ADORA2B: variants seen among roughly 807,000 people sequenced by gnomAD.
ADORA2B encodes adenosine A2b receptor, also known as adenosine receptor A2b.
ADORA2B carries 18 observed loss-of-function variants against 20.8 expected under a neutral mutation model. The ratio of observed to expected loss-of-function variants is 0.87; its 90% CI spans 0.60 to 1.29. ADORA2B has a LOEUF of 1.29. Among genes scored for constraint, ADORA2B ranks in the 50% most tolerant of loss-of-function variants. The pLI is 0.00. For synonymous variants in ADORA2B, 179 were observed against 178.3 expected (o/e 1.00, Z -0.03); for missense variants, 441 against 422.7 (o/e 1.04, Z -0.38).
the ADORA2B span, among the ~76,000 whole-genome samples, chr17:15,875,859 G>A: frequency 6.8e-4 from 104 of 152,336 alleles, no homozygotes; most frequent in South Asian, 7.3e-3. Flanking sequence ...GGAATTACAG[G>A]CGTGAGCCAC....
At chr17:15,939,344 T>G in the ADORA2B span, among the ~76,000 whole-genome samples, 1 of 152,188 alleles carries the variant, frequency 6.6e-6, no homozygotes, top group African/African-American at 2.4e-5. Context: ...CCCGGCTGCT[T>G]CTTTCTACTC....
At chr17:15,896,938 T>G in the ADORA2B span, among the ~76,000 whole-genome samples, 2 of 152,186 alleles carry the variant, frequency 1.3e-5, no homozygotes, top group Non-Finnish European at 2.9e-5. Context: ...CATGTAACAT[T>G]TTTCAGCTTC....
At chr17:15,974,563 G>T in intron 1 of ADORA2B, 116 bp from the exon 2 acceptor site, 1 of 904,510 alleles carries the variant, frequency 1.1e-6, no homozygotes. Flanking sequence ...TTAGTGCCCT[G>T]GAAGGTGAAC....
At chr17:15,907,959 G>A in the ADORA2B span, among the ~76,000 whole-genome samples, 1 of 152,316 alleles carries the variant, frequency 6.6e-6, no homozygotes, top group South Asian at 2.1e-4. Flanking sequence ...CGGGGACCCG[G>A]GTGTGAAATG....
chr17:15,902,003 T>G, the ADORA2B span, among the ~76,000 whole-genome samples: 3 of 152,114 alleles, frequency 2.0e-5, no homozygotes, highest in Non-Finnish European at 4.4e-5. Context: ...AAACCGGCAC[T>G]CTGCGCCCAT....
the ADORA2B span, among the ~76,000 whole-genome samples, chr17:15,875,591 T>G: frequency 6.6e-6 from 1 of 152,240 alleles, no homozygotes; most frequent in African/African-American, 2.4e-5. Flanking sequence ...AGTTTTCTTT[T>G]GCTTTTTTTT....
the ADORA2B span, among the ~76,000 whole-genome samples, chr17:15,851,721 A>T: frequency 6.6e-6 from 1 of 152,230 alleles, no homozygotes; most frequent in African/African-American, 2.4e-5. Flanking sequence ...ATAAGTCAGT[A>T]AATCACCCTT....
upstream of ADORA2B, among the ~76,000 whole-genome samples, chr17:15,943,161 A>T (rs914964650): frequency 6.6e-6 from 1 of 152,192 alleles, no homozygotes; most frequent in Non-Finnish European, 1.5e-5. Context: ...TGTTTTCATT[A>T]TGGAAGTAAC....
At chr17:15,925,579 G>A in the ADORA2B span, among the ~76,000 whole-genome samples, 1 of 152,202 alleles carries the variant, frequency 6.6e-6, no homozygotes, top group African/African-American at 2.4e-5. Flanking sequence ...AAATAGAGGT[G>A]AAGTAATAAA....
chr17:15,957,423 C>G (rs888581307), intron 1 of ADORA2B, among the ~76,000 whole-genome samples: 1 of 152,048 alleles, frequency 6.6e-6, no homozygotes, highest in Non-Finnish European at 1.5e-5. Context: ...CAGATCTGAT[C>G]GATAGCACAT....
chr17:15,864,284 AG>A, the ADORA2B span: 3 of 152,218 alleles, frequency 2.0e-5, no homozygotes, highest in Non-Finnish European at 4.4e-5. Context: ...CTGTTCTCCT[AG>A]ACAGAGAGGC....
chr17:15,872,095 G>A, the ADORA2B span, among the ~76,000 whole-genome samples: 1 of 152,176 alleles, frequency 6.6e-6, no homozygotes, highest in South Asian at 2.1e-4. Context: ...ACAGAAAGCA[G>A]ATGAGTGTTT....
chr17:15,975,528 C>G lies in ADORA2B; in HGVS notation c.*186C>G. ...GTCAGTAGTAGGCTCCAAGGATTGA[C>G]AAATATATTTATGATCTATTCAGCT... On this transcript the variant is annotated 3_prime_UTR_variant, in exon 2 of 2. Coordinates refer to ENST00000304222, the MANE Select transcript of ADORA2B (RefSeq NM_000676.4). The G allele has an allele frequency of 6.6e-6, 4 of 610,070 alleles. No homozygotes were observed. Among genetic ancestry groups the G allele is most frequent in the Non-Finnish European group, 1.1e-5 (4 of 350,944 alleles). 37.8% of individuals were successfully genotyped at this position (610,070 alleles called of 1,614,324 possible).
the ADORA2B span, chr17:15,850,610 G>A: frequency 5.9e-6 from 1 of 168,094 alleles, no homozygotes; most frequent in East Asian, 1.8e-4. Flanking sequence ...AAGGCCCTTA[G>A]AAGCCCCCTA....
chr17:15,859,029 G>A, the ADORA2B span, among the ~76,000 whole-genome samples: 102 of 152,104 alleles, frequency 6.7e-4, no homozygotes, highest in East Asian at 0.018. Context: ...TTGCTTTGTT[G>A]CCCAGGCTGG....
the ADORA2B span, among the ~76,000 whole-genome samples, chr17:15,865,497 G>A: frequency 3.3e-5 from 5 of 151,718 alleles, no homozygotes; most frequent in Non-Finnish European, 7.4e-5. Context: ...CCTGTCCTCA[G>A]GTGATCCACC....
intron 1 of ADORA2B, among the ~76,000 whole-genome samples, chr17:15,965,338 C>T (rs1007525716): frequency 3.3e-5 from 5 of 152,166 alleles, no homozygotes; most frequent in Non-Finnish European, 7.3e-5. Context: ...CATTTGCTTG[C>T]CAGGCAGTGT....
the ADORA2B span, among the ~76,000 whole-genome samples, chr17:15,923,411 T>C: frequency 2.1e-5 from 3 of 142,632 alleles, no homozygotes; most frequent in Non-Finnish European, 4.7e-5. Flanking sequence ...ATATATATTT[T>C]TTTTTTCTTT....
the ADORA2B span, among the ~76,000 whole-genome samples, chr17:15,908,891 C>A: frequency 2.2e-4 from 34 of 152,282 alleles, no homozygotes; most frequent in South Asian, 7.0e-3. Context: ...TTCTTCCAGA[C>A]CAAGACCCCA....
Sources: gnomAD v4.1 joint callset for allele counts (sites outside exome capture counted in the v4.1 genomes callset) on GRCh38, gnomAD v4.1.1 for gene constraint, MANE v1.5 for transcripts, NCBI Gene and HGNC (gene_info 2026-07-23, HGNC 2026-07-21) for gene names.